Variants in ARHGEF33 observed in about 807,000 individuals in gnomAD.
The protein encoded by ARHGEF33 is DH and coiled-coil domain-containing protein ENSP00000381780.
A neutral mutation model predicts 101.9 loss-of-function variants in ARHGEF33; 72 were observed. That is an observed-to-expected ratio of 0.71 (90% CI 0.58 to 0.86). The LOEUF (loss-of-function observed/expected upper bound fraction) is 0.86, where lower values mean the gene tolerates loss of function less well. Ranked by LOEUF, ARHGEF33 falls within the 40% of genes least tolerant of loss-of-function variation. The pLI, the probability that ARHGEF33 is intolerant of heterozygous loss-of-function variation, is 0.00. For synonymous variants in ARHGEF33, 499 were observed against 442.5 expected (o/e 1.13, Z -1.60); for missense variants, 1,169 against 1,111.3 (o/e 1.05, Z -0.74).
intron 2 of ARHGEF33, among the ~76,000 whole-genome samples, chr2:38,899,501 T>A (rs1422255802): frequency 6.6e-6 from 1 of 151,836 alleles, no homozygotes; most frequent in Non-Finnish European, 1.5e-5. Flanking sequence ...ATCTAAATAG[T>A]CAAACTCATG....
rs201925961 is a variant in ARHGEF33, at chr2:38,959,867, G to C, written c.1562G>C (p.Ser521Thr). ...ITHLMPPVKK[S>T]QQQQSLMESM... is the part of the protein sequence containing the mutation. ...CATCTGATGCCCCCAGTGAAGAAAA[G>C]CCAACAGCAGCAAAGCCTGATGGAG... Residue 521 changes from serine to threonine, a missense_variant, in exon 16 of 18, where the codon AGC (serine) becomes ACC (threonine). By Grantham distance (58) the Ser-to-Thr change is moderately conservative. Transcript: ENST00000409978. 14,715 of 1,550,552 alleles carry C rather than the reference G, an allele frequency of 9.5e-3. 89 individuals carry two copies. The highest frequency in any genetic ancestry group is 0.013 in the Middle Eastern group (76 of 5,948).
chr2:38,941,532 G>A (rs541726790), intron 9 of ARHGEF33, among the ~76,000 whole-genome samples: 120 of 151,500 alleles, frequency 7.9e-4, no homozygotes, highest in Middle Eastern at 3.4e-3. Context: ...TTTTTTGCAT[G>A]TTACCTGATT....
chr2:38,929,882 T>C, intron 6 of ARHGEF33, 52 bp downstream of exon 6: 1 of 1,514,208 alleles, frequency 6.6e-7, no homozygotes, highest in Non-Finnish European at 8.9e-7. Flanking sequence ...CAATGGCTTC[T>C]GCAGAGGCAC....
chr2:38,910,285 T>C (rs773573112), intron 2 of ARHGEF33, among the ~76,000 whole-genome samples: 10 of 152,232 alleles, frequency 6.6e-5, no homozygotes, highest in Admixed American at 3.9e-4. Context: ...TAGAAATTAT[T>C]GGCAGCCAAG....
chr2:38,939,336 G>C (rs921387043), intron 9 of ARHGEF33, among the ~76,000 whole-genome samples: 1 of 152,090 alleles, frequency 6.6e-6, no homozygotes, highest in East Asian at 1.9e-4. Flanking sequence ...CATTTCTCTT[G>C]GGTGTATACC....
intron 4 of ARHGEF33, 98 bp from the exon 5 acceptor site, chr2:38,928,809 G>C: frequency 8.7e-7 from 1 of 1,150,726 alleles, no homozygotes; most frequent in South Asian, 1.7e-5. Flanking sequence ...TAGATTTTCA[G>C]GAGGCTTGTT....
chr2:38,919,262 T>C (rs1376342503), intron 2 of ARHGEF33, 101 bp from the exon 3 acceptor site: 3 of 581,712 alleles, frequency 5.2e-6, no homozygotes, highest in Non-Finnish European at 6.2e-6. Flanking sequence ...TGCATGTACC[T>C]CAAGCTGTGT....
intron 1 of ARHGEF33, among the ~76,000 whole-genome samples, chr2:38,892,256 C>T (rs1244262832): frequency 2.0e-5 from 3 of 152,126 alleles, no homozygotes; most frequent in Non-Finnish European, 2.9e-5. Context: ...TTCCACCTTT[C>T]CCCAGGCTAT....
intron 14 of ARHGEF33, 197 bp from the exon 15 acceptor site, chr2:38,957,834 AGCC>A: frequency 3.4e-6 from 2 of 584,814 alleles, no homozygotes; most frequent in Non-Finnish European, 5.9e-6. Flanking sequence ...AGCTCTTTTC[AGCC>A]AGTGAATCAG....
In ARHGEF33 at chr2:38,903,447, T is replaced by C. The variant is rs147835598; in HGVS notation, c.-86+7598T>C. Among the ~76,000 whole-genome samples the C allele has an allele frequency of 3.6e-3, 551 of 152,038 alleles. 5 individuals carry two copies. The highest frequency in any genetic ancestry group is 0.013 in the African/African-American group (524 of 41,464). On this transcript the variant is annotated intron_variant, in intron 2 of 17. Coordinates refer to ENST00000409978, the MANE Select transcript of ARHGEF33 (RefSeq NM_001145451.5). ...TTTTTTTTTAGATTTATTCTGCATC[T>C]ACTGGCTCATTCAAAGCCCATCACA...
At position 38,960,567 on chromosome 2, in the gene ARHGEF33, C is replaced by G; in HGVS notation, c.2262C>G (p.Val754=). The G allele has an allele frequency of 7.8e-7, 1 of 1,278,816 alleles. No individual in the cohort carries two copies. 79.2% of individuals were successfully genotyped at this position (1,278,816 alleles called of 1,614,324 possible). A position where few individuals can be genotyped will look rare whatever the true frequency, so the allele number is the denominator to read the frequency against. The change falls in exon 16 of 18, where the codon GTC becomes GTG. Residue 754 remains valine (V), a synonymous_variant. Transcript: ENST00000409978. ...CGCACGGCCCGGCCGCCGCCGCCGT[C>G]GCCGCCCGCGGCGCATCCAGGACCT... ...AQAHGPAAAA[V]AARGASRTFF...
At chr2:38,956,762 G>T in intron 13 of ARHGEF33, 137 bp from the exon 14 acceptor site, 1 of 1,039,240 alleles carries the variant, frequency 9.6e-7, no homozygotes, top group Non-Finnish European at 1.4e-6. Context: ...ATAATTAGAT[G>T]GGGGTCATGT....
intron 11 of ARHGEF33, among the ~76,000 whole-genome samples, chr2:38,952,936 C>T (rs1475489882): frequency 2.0e-5 from 3 of 152,238 alleles, no homozygotes; most frequent in African/African-American, 7.2e-5. Context: ...TGAGCTCAGG[C>T]AATCCACCTG....
At chr2:38,917,925 T>C (rs912497721) in intron 2 of ARHGEF33, among the ~76,000 whole-genome samples, 11 of 152,324 alleles carry the variant, frequency 7.2e-5, no homozygotes, top group Middle Eastern at 6.8e-3. Flanking sequence ...TCACTATAGA[T>C]TAGATTTGTC....
intron 2 of ARHGEF33, among the ~76,000 whole-genome samples, chr2:38,902,571 C>G (rs1052486426): frequency 2.6e-5 from 4 of 152,160 alleles, no homozygotes; most frequent in African/African-American, 9.7e-5. Context: ...ATTTTCTTTA[C>G]CACTCTACAC....
chr2:38,951,653 C>CTG (rs1238216662), intron 11 of ARHGEF33, among the ~76,000 whole-genome samples: 3 of 151,512 alleles, frequency 2.0e-5, no homozygotes, highest in Non-Finnish European at 4.4e-5. Flanking sequence ...ATATATGCAT[C>CTG]TGTGTATATA....
chr2:38,893,227 G>A (rs1268970702), intron 1 of ARHGEF33, among the ~76,000 whole-genome samples: 2 of 150,346 alleles, frequency 1.3e-5, no homozygotes, highest in Non-Finnish European at 3.0e-5. Flanking sequence ...CAGTGGCACA[G>A]TCTTGGCTCA....
intron 5 of ARHGEF33, 107 bp downstream of exon 5, chr2:38,929,178 C>T: frequency 1.3e-6 from 1 of 795,812 alleles, no homozygotes; most frequent in East Asian, 2.9e-5. Flanking sequence ...CGCCTGTAAT[C>T]CCAGCACTTT....
intron 9 of ARHGEF33, among the ~76,000 whole-genome samples, chr2:38,942,170 T>C (rs1285344565): frequency 2.7e-5 from 4 of 145,892 alleles, no homozygotes; most frequent in East Asian, 2.0e-4. Flanking sequence ...CTTTCTTTTT[T>C]TTTTTTTTTT....
Sources: allele counts gnomAD v4.1 joint callset (sites outside exome capture counted in the v4.1 genomes callset), GRCh38; gene constraint gnomAD v4.1.1; transcripts MANE v1.5; gene names NCBI Gene and HGNC (gene_info 2026-07-23, HGNC 2026-07-21).